The following GRM7 variants were observed in gnomAD, a reference collection of about 807,000 sequenced individuals.
GRM7 encodes metabotropic glutamate receptor 7.
In GRM7, 35 loss-of-function variants were observed where a neutral mutation model predicts 84.5. The observed-to-expected ratio is 0.41, with a 90% confidence interval of 0.32 to 0.55. The LOEUF is 0.55. Among genes scored for constraint, GRM7 ranks in the 20% least tolerant of loss-of-function variants. GRM7 has a pLI of 0.19. For missense variants in GRM7, 1,003 were observed against 1,194.6 expected (o/e 0.84, Z 2.36); for synonymous variants, 487 against 455.1 (o/e 1.07, Z -0.89).
chr3:7,498,569 G>T (rs1699781454), intron 7 of GRM7, among the ~76,000 whole-genome samples: 1 of 152,150 alleles, frequency 6.6e-6, no homozygotes. Context: ...TTCACATTTG[G>T]TTGATATTAG....
chr3:7,078,417 A>G (rs1314518539), intron 1 of GRM7, among the ~76,000 whole-genome samples: 1 of 152,170 alleles, frequency 6.6e-6, no homozygotes, highest in Non-Finnish European at 1.5e-5. Context: ...GCTGCTGATG[A>G]TGATGTTGTT....
In GRM7 at chr3:7,461,740, C is replaced by T. The variant is rs1006425719; in HGVS notation, c.1515+18C>T. The T allele has an allele frequency of 9.9e-6, 16 of 1,609,534 alleles. No homozygotes were observed. Among genetic ancestry groups the T allele is most frequent in the Non-Finnish European group, 1.3e-5 (15 of 1,176,194 alleles). On this transcript the variant is annotated intron_variant, in intron 7 of 9. Coordinates refer to ENST00000357716, the MANE Select transcript of GRM7 (RefSeq NM_000844.4). Reference sequence around the variant, plus strand: ...AGCTCAATGTGAGTTCTGCTTGCTTCTCTTCTTCCCTTGTTGAGATGAATG... The same window carrying T: ...AGCTCAATGTGAGTTCTGCTTGCTTTTCTTCTTCCCTTGTTGAGATGAATG...
At chr3:7,276,172 T>G (rs953265676) in intron 2 of GRM7, among the ~76,000 whole-genome samples, 5 of 150,604 alleles carry the variant, frequency 3.3e-5, no homozygotes, top group African/African-American at 1.2e-4. Flanking sequence ...ATCAGAAAAC[T>G]TAACCATTAT....
Position 7,276,483 on chromosome 3 carries a change from T to G in GRM7, c.737-22201T>G, listed in dbSNP as rs139948646. Among the ~76,000 whole-genome samples, 944 of 152,082 alleles carry G rather than the reference T, an allele frequency of 6.2e-3. 13 individuals carry two copies. Among genetic ancestry groups the G allele is most frequent in the African/African-American group, 0.022 (895 of 41,490 alleles). ...AACTCTGTAAGGTACAAATTAGGAA[T>G]TATTCTTCAGTTTACTTTCATTTCT... On this transcript the variant is annotated intron_variant, in intron 2 of 9. Transcript: ENST00000357716.
chr3:7,003,709 A>G (rs1695088928), intron 1 of GRM7, among the ~76,000 whole-genome samples: 1 of 152,220 alleles, frequency 6.6e-6, no homozygotes, highest in Admixed American at 6.5e-5. Context: ...AATGCAATGT[A>G]TTACTCTAAT....
At chr3:7,732,077 G>A (rs1337477914) in intron 9 of GRM7, among the ~76,000 whole-genome samples, 1 of 151,888 alleles carries the variant, frequency 6.6e-6, no homozygotes, top group Non-Finnish European at 1.5e-5. Flanking sequence ...ACAGAGTCTC[G>A]CTTTGTCGCC....
intron 1 of GRM7, among the ~76,000 whole-genome samples, chr3:6,969,774 A>G (rs1184408512): frequency 1.3e-5 from 2 of 152,218 alleles, no homozygotes; most frequent in East Asian, 3.8e-4. Context: ...CTTTAAAGAC[A>G]GAGAGTGGTG....
intron 8 of GRM7, among the ~76,000 whole-genome samples, chr3:7,669,817 C>T (rs897249692): frequency 5.9e-5 from 9 of 152,200 alleles, no homozygotes; most frequent in African/African-American, 1.7e-4. Context: ...ACTGCATCTG[C>T]CTTGGCAGGA....
At chr3:7,211,271 G>A (rs1696416966) in intron 2 of GRM7, among the ~76,000 whole-genome samples, 1 of 152,200 alleles carries the variant, frequency 6.6e-6, no homozygotes, top group Non-Finnish European at 1.5e-5. Flanking sequence ...ACTACAGTGT[G>A]CATCCAAAAT....
intron 1 of GRM7, among the ~76,000 whole-genome samples, chr3:6,898,373 C>T (rs1175206311): frequency 3.3e-5 from 4 of 120,096 alleles, no homozygotes; most frequent in African/African-American, 9.4e-5. Flanking sequence ...AGTGTCATTC[C>T]AAATAGAGAT....
At chr3:6,892,036 G>C (rs112792474) in intron 1 of GRM7, among the ~76,000 whole-genome samples, 1 of 152,000 alleles carries the variant, frequency 6.6e-6, no homozygotes, top group Non-Finnish European at 1.5e-5. Context: ...GGCTCCTGAG[G>C]CTTCTGCATT....
At chr3:7,652,287 C>T (rs1435648670) in intron 8 of GRM7, among the ~76,000 whole-genome samples, 1 of 152,118 alleles carries the variant, frequency 6.6e-6, no homozygotes, top group Non-Finnish European at 1.5e-5. Flanking sequence ...GGTCATTCTA[C>T]TTATGTTCCA....
At chr3:7,049,350 C>T (rs1457973690) in intron 1 of GRM7, among the ~76,000 whole-genome samples, 2 of 151,962 alleles carry the variant, frequency 1.3e-5, no homozygotes, top group African/African-American at 2.4e-5. Flanking sequence ...GGAGCAAAGT[C>T]ACATCTTACA....
intron 8 of GRM7, among the ~76,000 whole-genome samples, chr3:7,659,278 T>C (rs905742293): frequency 1.3e-5 from 2 of 152,130 alleles, no homozygotes; most frequent in Admixed American, 1.3e-4. Context: ...CAATGCATCA[T>C]GCAGTACAGG....
At chr3:7,240,076 A>G (rs1697491469) in intron 2 of GRM7, among the ~76,000 whole-genome samples, 1 of 145,456 alleles carries the variant, frequency 6.9e-6, no homozygotes, top group Non-Finnish European at 1.5e-5. Flanking sequence ...AATCCCATCA[A>G]ATGTGTATGA....
chr3:7,224,603 T>C (rs1204294251), intron 2 of GRM7, among the ~76,000 whole-genome samples: 1 of 152,212 alleles, frequency 6.6e-6, no homozygotes, highest in Non-Finnish European at 1.5e-5. Flanking sequence ...ATGAGGAGCT[T>C]AGTGGATGGT....
chr3:7,625,961 A>G (rs1697588268), intron 8 of GRM7, among the ~76,000 whole-genome samples: 2 of 152,172 alleles, frequency 1.3e-5, no homozygotes, highest in African/African-American at 4.8e-5. Flanking sequence ...GCAAGAAAGG[A>G]GTAAACATTC....
At position 7,444,987 on chromosome 3, in the gene GRM7, G is replaced by A. The variant is rs376503856; in HGVS notation, c.1175-7620G>A. On this transcript the variant is annotated intron_variant, in intron 5 of 9. Transcript: ENST00000357716. ...AATCAAATTTTGGTCATTTAAGCTG[G>A]ACGATCAATGGGTAAGTCATCTGGC... Among the ~76,000 whole-genome samples the A allele has an allele frequency of 8.9e-4, 136 of 152,264 alleles. 5 individuals carry two copies. In the South Asian group the frequency reaches 0.026, roughly 29 times the overall value.
chr3:7,351,339 G>GAAAAAAAAAA (rs768248079), intron 4 of GRM7, among the ~76,000 whole-genome samples: 2 of 45,904 alleles, frequency 4.4e-5, no homozygotes, highest in Non-Finnish European at 7.8e-5. Context: ...TCCCACAGGC[G>GAAAAAAAAAA]AAAAAAAAAA....
Sources: allele counts gnomAD v4.1 joint callset (sites outside exome capture counted in the v4.1 genomes callset), GRCh38; gene constraint gnomAD v4.1.1; transcripts MANE v1.5; gene names NCBI Gene and HGNC (gene_info 2026-07-23, HGNC 2026-07-21).